IRF6: variants seen among roughly 807,000 people sequenced by gnomAD.
The protein encoded by IRF6 is interferon regulatory factor 6, also known as Van der Woude syndrome.
IRF6 carries 6 observed loss-of-function variants against 51.4 expected under a neutral mutation model. The ratio of observed to expected loss-of-function variants is 0.12; its 90% confidence interval spans 0.06 to 0.23. The LOEUF is 0.23. Among genes scored for constraint, IRF6 ranks in the 10% least tolerant of loss-of-function variants. IRF6 has a pLI of 1.00. For synonymous variants in IRF6, 178 were observed against 215.7 expected, an observed-to-expected ratio of 0.83 and a Z score of 1.53; for missense variants, 348 against 585.2, an observed-to-expected ratio of 0.59 and a Z score of 4.18.
At position 209,788,512 on chromosome 1, in the gene IRF6, G is replaced by T; in HGVS notation, c.1312C>A (p.Gln438Lys). The T allele has an allele frequency of 6.2e-7, 1 of 1,614,146 alleles. No individual in the cohort carries two copies. Among genetic ancestry groups the T allele is most frequent in the Non-Finnish European group, 8.5e-7 (1 of 1,180,014 alleles). The change falls in exon 9 of 9, where the codon CAG (glutamine) becomes AAG (lysine). Residue 438 changes from glutamine to lysine, a missense_variant. This residue lies in a region of IRF6 where 48 missense variants were observed against 66.9 expected (regional missense o/e 0.72). Coordinates refer to ENST00000367021, the MANE Select transcript of IRF6 (RefSeq NM_006147.4). ...IKDNIVAQLK[Q>K]LYRILQTQES... ...TGGGTTTGAAGGATGCGGTACAGCTGCTTCAGCTGAGCAACGATGTTATCC... is the reference window on the plus strand; with the variant it reads ...TGGGTTTGAAGGATGCGGTACAGCTTCTTCAGCTGAGCAACGATGTTATCC...
Position 209,796,639 on chromosome 1 carries a change from AC to A in IRF6, c.175-88del. Reference sequence around the variant, plus strand: ...TACCCTTTCTCATAGACACAAACACACACACACACACACACACACACACACA... The same window carrying A: ...TACCCTTTCTCATAGACACAAACACAACACACACACACACACACACACACA... On this transcript the variant is annotated intron_variant, in intron 3 of 8. Transcript: ENST00000367021. The surrounding 1 kb of genome is among the most constrained non-coding windows in gnomAD (Gnocchi z 4.5). The A allele has an allele frequency of 5.3e-6, 3 of 563,584 alleles. No homozygotes were observed. The South Asian group carries it at 6.3e-5, about 12-fold the overall frequency. The allele number at this position is 563,584 out of a possible 1,614,324, so 34.9% of individuals were successfully genotyped here.
chr1:209,789,298 T>G (rs2077854089), intron 8 of IRF6, among the ~76,000 whole-genome samples: 1 of 149,598 alleles, frequency 6.7e-6, no homozygotes, highest in Admixed American at 6.7e-5. Flanking sequence ...CACTGCAGCC[T>G]GGGCGACACA....
chr1:209,787,058 T>TAA lies in IRF6; in HGVS notation c.*1360_*1361dup. ...TAGCAAGACCTCATCTCTACAAAAATAAAAAAAAAATTAGCCAAGCATCAT... is the reference window on the plus strand; with the variant it reads ...TAGCAAGACCTCATCTCTACAAAAATAAAAAAAAAAAATTAGCCAAGCATCAT... On this transcript the variant is annotated 3_prime_UTR_variant, in exon 9 of 9. Transcript: ENST00000367021. The TAA allele has an allele frequency of 2.7e-5, 4 of 149,318 alleles. No homozygotes were observed. Among genetic ancestry groups the TAA allele is most frequent in the South Asian group, 2.1e-4 (1 of 4,702 alleles). The allele number at this position is 149,318 out of a possible 1,614,324, so 9.2% of individuals were successfully genotyped here.
rs1401476625 is a variant in IRF6 at position 209,796,941 on chromosome 1, T to C, written c.175-389A>G. On this transcript the variant is annotated intron_variant, in intron 3 of 8. Transcript: ENST00000367021. The surrounding 1 kb of genome is among the most constrained non-coding windows in gnomAD (Gnocchi z 4.5). The stretch of plus-strand genomic sequence containing the variant: ...TAACTCTGGATAGCAGAATTTCAAG[T>C]AACTTTTTTTCTTTGCTTATTCATT... 6.6e-6 allele frequency among the ~76,000 whole-genome samples: 1 copy of C among 152,232 alleles called. No homozygotes were observed. The highest frequency in any genetic ancestry group is 6.5e-5 in the Admixed American group (1 of 15,286).
rs536115240 is a variant in IRF6 at position 209,790,975 on chromosome 1, C to T, written c.668-88G>A. On this transcript the variant is annotated intron_variant, in intron 6 of 8. Transcript: ENST00000367021. This position sits in a 1 kb window ranked among gnomAD's most constrained non-coding sequence, Gnocchi z 4.8. ...CTCATGCAAGTCCATTAAGATCAAG[C>T]CACCTTTCAACCAGCATTCAGGAAG... is the stretch of plus-strand genomic sequence containing the variant. 29 of 1,603,842 alleles carry T rather than the reference C, an allele frequency of 1.8e-5. No homozygotes were observed. The highest frequency in any genetic ancestry group is 2.4e-5 in the Non-Finnish European group (28 of 1,179,308).
At chr1:209,789,082 T>A (rs2077852028) in intron 8 of IRF6, among the ~76,000 whole-genome samples, 1 of 152,084 alleles carries the variant, frequency 6.6e-6, no homozygotes, top group Non-Finnish European at 1.5e-5. Context: ...TCCCAGCATT[T>A]TGGGAGGCTG....
intron 1 of IRF6, among the ~76,000 whole-genome samples, chr1:209,804,691 C>A (rs568573493): frequency 6.6e-6 from 1 of 152,342 alleles, no homozygotes; most frequent in African/African-American, 2.4e-5. Context: ...AGGAGGGACA[C>A]TTTCAGCCTC....
chr1:209,803,652 C>T (rs2077957176), intron 1 of IRF6, among the ~76,000 whole-genome samples: 1 of 152,164 alleles, frequency 6.6e-6, no homozygotes, highest in African/African-American at 2.4e-5. Flanking sequence ...ACTGTAAACC[C>T]TCTCCACCTT....
At chr1:209,799,420 T>C (rs1307063960) in intron 3 of IRF6, among the ~76,000 whole-genome samples, 1 of 152,184 alleles carries the variant, frequency 6.6e-6, no homozygotes, top group Non-Finnish European at 1.5e-5. Context: ...ATACCTCCCT[T>C]ACAGGGTTGT....
In IRF6 at chr1:209,790,832, C is replaced by A. The variant is rs2077864827; in HGVS notation, c.723G>T (p.Met241Ile). ...GGCAGCCCTGAGGGTTGCTCACGGT[C>A]ATGGTCTGCCCGTACTCCTTCCCAC... ...QYRGKEYGQT[M>I]TVSNPQGCRL... is the part of the protein sequence containing the mutation. The change falls in exon 7 of 9, where the codon ATG becomes ATT. Residue 241 changes from methionine (M) to isoleucine (I), a missense_variant. Met to Ile is a conservative substitution (Grantham distance 10). Around this residue, in one of 5 missense-constraint regions of IRF6, gnomAD observed 125 missense variants for 222.0 expected, o/e 0.56. Coordinates refer to ENST00000367021, the MANE Select transcript of IRF6 (RefSeq NM_006147.4). This position sits in a 1 kb window ranked among gnomAD's most constrained non-coding sequence, Gnocchi z 4.8. 2 of 1,613,592 alleles carry A rather than the reference C, an allele frequency of 1.2e-6. No individual in the cohort carries two copies. The highest frequency in any genetic ancestry group is 1.3e-5 in the African/African-American group (1 of 74,924).
chr1:209,801,475 C>G, intron 2 of IRF6, 59 bp from the exon 3 acceptor site: 3 of 1,336,138 alleles, frequency 2.2e-6, no homozygotes, highest in Non-Finnish European at 3.1e-6. Flanking sequence ...CCACTGGGAA[C>G]CCTTCCCAGC....
intron 1 of IRF6, among the ~76,000 whole-genome samples, chr1:209,804,518 A>G (rs922097014): frequency 7.9e-5 from 12 of 152,194 alleles, no homozygotes; most frequent in Non-Finnish European, 1.8e-4. Flanking sequence ...CACTCTTGCC[A>G]CCCAAATCCC....
intron 5 of IRF6, among the ~76,000 whole-genome samples, chr1:209,794,881 T>C (rs1452493537): frequency 6.6e-6 from 1 of 152,202 alleles, no homozygotes; most frequent in Non-Finnish European, 1.5e-5. Flanking sequence ...GGCAGAGTAG[T>C]CCTTGTGAAG....
intron 6 of IRF6, 199 bp from the exon 7 acceptor site, chr1:209,791,086 A>C: frequency 4.1e-6 from 4 of 980,352 alleles, no homozygotes; most frequent in Non-Finnish European, 3.6e-6. Flanking sequence ...CCTGAAAGCA[A>C]ACAGTTCAAA....
rs570513530 is a variant in IRF6, at chr1:209,790,789, G to A, written c.766C>T (p.Leu256=). ...TCCTCCTGGTCAGGCATGGGACCCAGGTCCCCATAGAAGAGTCGGCAGCCC... is the reference window on the plus strand; with the variant it reads ...TCCTCCTGGTCAGGCATGGGACCCAAGTCCCCATAGAAGAGTCGGCAGCCC... ...PQGCRLFYGD[L]GPMPDQEELF... Residue 256 remains leucine, a synonymous_variant, in exon 7 of 9, where the codon CTG becomes TTG. Coordinates refer to ENST00000367021, the MANE Select transcript of IRF6 (RefSeq NM_006147.4). This position sits in a 1 kb window ranked among gnomAD's most constrained non-coding sequence, Gnocchi z 4.8. 1.3e-5 allele frequency: 21 copies of A among 1,614,188 alleles called. No homozygotes were observed. In the South Asian group the frequency reaches 2.1e-4, roughly 16 times the overall value.
chr1:209,794,351 T>C (rs2077888069), intron 5 of IRF6, among the ~76,000 whole-genome samples: 1 of 152,242 alleles, frequency 6.6e-6, no homozygotes, highest in Non-Finnish European at 1.5e-5. Context: ...AATATTGACC[T>C]GCAAGATCTC....
At position 209,787,943 on chromosome 1, in the gene IRF6, C is replaced by T. The variant is rs763919560; in HGVS notation, c.*477G>A. 3.5e-5 allele frequency: 6 copies of T among 173,478 alleles called. No homozygotes were observed. The highest frequency in any genetic ancestry group is 7.5e-5 in the Non-Finnish European group (6 of 80,440). 10.7% of individuals were successfully genotyped at this position (173,478 alleles called of 1,614,324 possible). On this transcript the variant is annotated 3_prime_UTR_variant, in exon 9 of 9. Coordinates refer to ENST00000367021, the MANE Select transcript of IRF6 (RefSeq NM_006147.4). ...GTGCTTGAGGAAACTTTAACAAAAC[C>T]AAGGAAAAATGTGGTACAAGAACAA...
At position 209,798,722 on chromosome 1, in the gene IRF6, A is replaced by G. The variant is rs142566465; in HGVS notation, c.175-2170T>C. ...TCAAGAGATTGAGACCATCCTGGCC[A>G]ACGTGGTGAAACCCCGTCTCTACTA... On this transcript the variant is annotated intron_variant, in intron 3 of 8. Transcript: ENST00000367021. 9.1e-3 allele frequency among the ~76,000 whole-genome samples: 1,392 copies of G among 152,238 alleles called. 27 individuals are homozygous for G. Among genetic ancestry groups the G allele is most frequent in the African/African-American group, 0.032 (1,324 of 41,520 alleles).
In IRF6 at chr1:209,790,778, C is replaced by T. The variant is rs145682768; in HGVS notation, c.777G>A (p.Met259Ile). Residue 259 changes from methionine to isoleucine, a missense_variant, in exon 7 of 9, where the codon ATG becomes ATA. This residue lies in a region of IRF6 where 125 missense variants were observed against 222.0 expected (regional missense o/e 0.56). Coordinates refer to ENST00000367021, the MANE Select transcript of IRF6 (RefSeq NM_006147.4). The surrounding 1 kb of genome is among the most constrained non-coding windows in gnomAD (Gnocchi z 4.8). ...CRLFYGDLGP[M>I]PDQEELFGPV... ...GACCAAAGAGCTCCTCCTGGTCAGGCATGGGACCCAGGTCCCCATAGAAGA... is the reference window on the plus strand; with the variant it reads ...GACCAAAGAGCTCCTCCTGGTCAGGTATGGGACCCAGGTCCCCATAGAAGA... 373 of 1,614,226 alleles carry T rather than the reference C, an allele frequency of 2.3e-4. No individual in the cohort carries two copies. Among genetic ancestry groups the T allele is most frequent in the Middle Eastern group, 9.9e-4 (6 of 6,050 alleles).
Sources: gnomAD v4.1 joint callset for allele counts (sites outside exome capture counted in the v4.1 genomes callset) on GRCh38, gnomAD v4.1.1 for gene constraint, gnomAD v4.1.1 regional missense constraint, Gnocchi (gnomAD v3.1) non-coding constraint, MANE v1.5 for transcripts, NCBI Gene and HGNC (gene_info 2026-07-23, HGNC 2026-07-21) for gene names.